Variants in ABCB4 observed in about 807,000 individuals in gnomAD.
The protein encoded by ABCB4 is phosphatidylcholine translocator ABCB4.
Under a neutral mutation model 145.7 loss-of-function variants are expected in ABCB4, and 76 were observed. That is an observed-to-expected ratio of 0.52 (90% confidence interval 0.43 to 0.63). The LOEUF (loss-of-function observed/expected upper bound fraction) is 0.63. ABCB4 is among the 30% of genes least tolerant of loss of function. The pLI is 0.00. For missense variants in ABCB4, 1,234 were observed against 1,553.1 expected (o/e 0.79, Z 3.45); for synonymous variants, 517 against 566.8 (o/e 0.91, Z 1.25).
Position 87,423,886 on chromosome 7 carries a change from T to C in ABCB4, c.2211+20A>G, listed in dbSNP as rs374010463. 1.9e-4 allele frequency: 306 copies of C among 1,613,878 alleles called. No individual in the cohort carries two copies. Among genetic ancestry groups the C allele is most frequent in the South Asian group, 3.1e-4 (28 of 91,082 alleles). ...TGAATTGATCTAATTCAGGCTGTTA[T>C]GTGGTGTTTGCAAACTTACCGCTAT... On this transcript the variant is annotated intron_variant, in intron 17 of 27. Coordinates refer to ENST00000649586, the MANE Select transcript of ABCB4 (RefSeq NM_000443.4).
rs554670894 is a variant in ABCB4, at chr7:87,402,412, T to A, written c.3634-110A>T. The A allele has an allele frequency of 5.4e-4, 720 of 1,322,792 alleles. 1 individual carries two copies. Among genetic ancestry groups the A allele is most frequent in the Non-Finnish European group, 7.3e-4 (691 of 940,920 alleles). The allele number at this position is 1,322,792 out of a possible 1,614,324, so 81.9% of individuals were successfully genotyped here. A position where few individuals can be genotyped will look rare whatever the true frequency, so the allele number is the denominator to read the frequency against. ...TCTAATCAACTTTTAATTTCTAGTA[T>A]CTTAGAATCTTTGAACTTTATGCAT... On this transcript the variant is annotated intron_variant, in intron 27 of 27. Transcript: ENST00000649586.
chr7:87,475,524 C>A, intron 1 of ABCB4, 53 bp from the exon 2 acceptor site: 3 of 1,584,492 alleles, frequency 1.9e-6, no homozygotes, highest in Admixed American at 3.4e-5. Flanking sequence ...GGCGGCCCGG[C>A]GCACGAGTCG....
At position 87,408,184 on chromosome 7, in the gene ABCB4, G is replaced by A; in HGVS notation, c.3132C>T (p.Pro1044=). The change falls in exon 25 of 28, where the codon CCC becomes CCT. Residue 1044 remains proline, a synonymous_variant. Transcript: ENST00000649586. The part of the protein sequence containing the change: ...ITFNEVVFNY[P]TRANVPVLQG... ...GAAGCACTGGCACGTTTGCTCGGGT[G>A]GGATAGTTGAACACGACTTCATTAA... 1 of 1,614,134 alleles carries A rather than the reference G, an allele frequency of 6.2e-7. No homozygotes were observed. Among genetic ancestry groups the A allele is most frequent in the South Asian group, 1.1e-5 (1 of 91,086 alleles).
chr7:87,380,974 G>A, the ABCB4 span, among the ~76,000 whole-genome samples: 1,487 of 152,270 alleles, frequency 9.8e-3, 26 homozygotes, highest in African/African-American at 0.034. Context: ...TCCCTCAAGA[G>A]CCTTTCCTGA....
chr7:87,451,580 G>A (rs1205324877), intron 7 of ABCB4, 43 bp downstream of exon 7: 3 of 1,610,084 alleles, frequency 1.9e-6, no homozygotes, highest in Non-Finnish European at 2.5e-6. Flanking sequence ...AGATTACTGT[G>A]TGCAGGGGTT....
chr7:87,438,228 TG>T (rs1246114379), intron 14 of ABCB4, among the ~76,000 whole-genome samples: 1 of 152,196 alleles, frequency 6.6e-6, no homozygotes, highest in Non-Finnish European at 1.5e-5. Flanking sequence ...AATACATGAA[TG>T]TCTAATTATA....
chr7:87,402,532 A>C (rs1451931084), intron 27 of ABCB4, among the ~76,000 whole-genome samples: 2 of 152,214 alleles, frequency 1.3e-5, no homozygotes, highest in Non-Finnish European at 2.9e-5. Context: ...AAAATTCATA[A>C]GTATTTAAAT....
intron 3 of ABCB4, among the ~76,000 whole-genome samples, chr7:87,469,773 C>G (rs1385844833): frequency 6.6e-6 from 1 of 152,024 alleles, no homozygotes; most frequent in Admixed American, 6.6e-5. Context: ...GAATCAATAT[C>G]GTGAAAATGG....
the ABCB4 span, among the ~76,000 whole-genome samples, chr7:87,383,147 A>G: frequency 0.062 from 9,403 of 152,078 alleles, 339 homozygotes; most frequent in South Asian, 0.16. Flanking sequence ...GGTATTTTGA[A>G]ATATACAACA....
the ABCB4 span, among the ~76,000 whole-genome samples, chr7:87,380,116 TA>T: frequency 1.3e-5 from 2 of 152,128 alleles, no homozygotes; most frequent in South Asian, 4.2e-4. Context: ...GTCCCAAAAA[TA>T]ATAATAAGAA....
chr7:87,456,011 T>G (rs1307147181), intron 4 of ABCB4, among the ~76,000 whole-genome samples: 1 of 152,246 alleles, frequency 6.6e-6, no homozygotes, highest in South Asian at 2.1e-4. Context: ...CTTTATAAGC[T>G]ATCAGAACCT....
intron 9 of ABCB4, among the ~76,000 whole-genome samples, chr7:87,446,190 C>A (rs1255575158): frequency 6.6e-6 from 1 of 152,190 alleles, no homozygotes; most frequent in Non-Finnish European, 1.5e-5. Context: ...TGAAAATATT[C>A]ACTTTCATAA....
At position 87,423,939 on chromosome 7, in the gene ABCB4, C is replaced by T. The variant is rs200740242; in HGVS notation, c.2178G>A (p.Pro726=). The T allele has an allele frequency of 2.2e-5, 35 of 1,614,022 alleles. No individual in the cohort carries two copies. Among genetic ancestry groups the T allele is most frequent in the African/African-American group, 8.0e-5 (6 of 75,022 alleles). The change falls in exon 17 of 28, where the codon CCG becomes CCA. Residue 726 remains proline (P), a synonymous_variant. Transcript: ENST00000649586. ...VCAIANGGLQ[P]AFSVIFSEII... is the part of the protein sequence containing the mutation. ...TCTCTGAGAATATGACTGAAAATGC[C>T]GGCTGAAGCCCCCCATTGGCAATGG... is the stretch of plus-strand genomic sequence containing the variant.
intron 9 of ABCB4, 62 bp from the exon 10 acceptor site, chr7:87,445,037 T>G: frequency 9.0e-7 from 1 of 1,107,294 alleles, no homozygotes; most frequent in Non-Finnish European, 1.3e-6. Flanking sequence ...TTATCTAAAA[T>G]GTGATGTATA....
At chr7:87,474,149 T>C (rs1482320626) in intron 2 of ABCB4, among the ~76,000 whole-genome samples, 1 of 152,230 alleles carries the variant, frequency 6.6e-6, no homozygotes, top group African/African-American at 2.4e-5. Context: ...TCTGAAGTGT[T>C]ACTACACCTT....
In ABCB4 at chr7:87,408,180, G is replaced by A. The variant is rs759202962; in HGVS notation, c.3136C>T (p.Arg1046Ter). 7 of 1,614,160 alleles carry A rather than the reference G, an allele frequency of 4.3e-6. No homozygotes were observed. The South Asian group carries it at 4.4e-5, about 10-fold the overall frequency. ...CCCTGAAGCACTGGCACGTTTGCTC[G>A]GGTGGGATAGTTGAACACGACTTCA... ...FNEVVFNYPT[R>*]ANVPVLQGLS... Residue 1046 changes from arginine to a stop codon, truncating the protein, a stop_gained, in exon 25 of 28, where the codon CGA becomes TGA. Transcript: ENST00000649586. LOFTEE classifies it high-confidence loss of function.
intron 10 of ABCB4, among the ~76,000 whole-genome samples, chr7:87,444,527 T>C (rs895940767): frequency 6.6e-6 from 1 of 152,122 alleles, no homozygotes; most frequent in Non-Finnish European, 1.5e-5. Flanking sequence ...CCCCATCCCA[T>C]ATAGAAATCA....
At chr7:87,462,682 A>T in intron 4 of ABCB4, 76 bp downstream of exon 4, 1 of 1,379,254 alleles carries the variant, frequency 7.3e-7, no homozygotes, top group Non-Finnish European at 1.0e-6. Context: ...GGTAATGAAT[A>T]GCAAAATCAA....
At chr7:87,429,725 A>G (rs1162139708) in intron 15 of ABCB4, among the ~76,000 whole-genome samples, 1 of 152,206 alleles carries the variant, frequency 6.6e-6, no homozygotes, top group Non-Finnish European at 1.5e-5. Flanking sequence ...TATGGTGGCT[A>G]GGCCATATGG....
Sources: gnomAD v4.1 joint callset for allele counts (sites outside exome capture counted in the v4.1 genomes callset) on GRCh38, gnomAD v4.1.1 for gene constraint, MANE v1.5 for transcripts, NCBI Gene and HGNC (gene_info 2026-07-23, HGNC 2026-07-21) for gene names.